ZFP62: variants seen among roughly 807,000 people sequenced by gnomAD.
ZFP62 encodes zinc finger protein 62 homolog.
ZFP62 carries 44 observed loss-of-function variants against 56.4 expected under a neutral mutation model. The observed-to-expected ratio is 0.78, with a 90% confidence interval of 0.61 to 1.00. The LOEUF (loss-of-function observed/expected upper bound fraction) is 1.00. Ranked by LOEUF, ZFP62 falls within the 50% of genes least tolerant of loss-of-function variation. The pLI is 0.00. For synonymous variants in ZFP62, 421 were observed against 388.9 expected, an observed-to-expected ratio of 1.08 and a Z score of -0.97; for missense variants, 1,030 against 1,085.7, an observed-to-expected ratio of 0.95 and a Z score of 0.72.
At chr5:180,851,635 G>A in intron 1 of ZFP62, 142 bp from the exon 2 acceptor site, 1 of 1,006,274 alleles carries the variant, frequency 9.9e-7, no homozygotes, top group East Asian at 2.6e-5. Context: ...CCATGTACCG[G>A]TTTTTAAGTA....
intron 1 of ZFP62, among the ~76,000 whole-genome samples, chr5:180,853,186 A>G (rs148570314): frequency 6.6e-6 from 1 of 152,262 alleles, no homozygotes. Context: ...TAAATCTCCA[A>G]GCACAGAAGA....
chr5:180,856,515 AG>A (rs1346232092), intron 1 of ZFP62, among the ~76,000 whole-genome samples: 6 of 152,210 alleles, frequency 3.9e-5, no homozygotes, highest in Non-Finnish European at 8.8e-5. Context: ...GTGTTGCCCA[AG>A]GAACTTAAGA....
At chr5:180,845,429 T>C (rs566289730), downstream of ZFP62, among the ~76,000 whole-genome samples, 4 of 150,314 alleles carry the variant, frequency 2.7e-5, no homozygotes, top group African/African-American at 7.3e-5. Flanking sequence ...AAAGTCCTTA[T>C]TTGAACTCAG....
chr5:180,828,715 G>A, the ZFP62 span, among the ~76,000 whole-genome samples: 1 of 152,124 alleles, frequency 6.6e-6, no homozygotes, highest in African/African-American at 2.4e-5. Context: ...AAAAAGAACA[G>A]AATAACAGCA....
downstream of ZFP62, among the ~76,000 whole-genome samples, chr5:180,845,013 C>G (rs1015900515): frequency 6.6e-5 from 10 of 152,158 alleles, no homozygotes; most frequent in African/African-American, 2.4e-4. Flanking sequence ...GAGGTTGCTA[C>G]TATTATCTTT....
chr5:180,851,926 A>G, intron 1 of ZFP62: 1 of 771,384 alleles, frequency 1.3e-6, no homozygotes, highest in Non-Finnish European at 1.6e-6. Flanking sequence ...ACTTTTTTTT[A>G]TTATGAAAAG....
the ZFP62 span, among the ~76,000 whole-genome samples, chr5:180,833,791 C>T: frequency 3.3e-5 from 5 of 151,918 alleles, no homozygotes; most frequent in African/African-American, 4.8e-5. Context: ...CTGCCTCAGC[C>T]TCCTGAGTAG....
At chr5:180,839,777 A>T in the ZFP62 span, among the ~76,000 whole-genome samples, 1 of 152,156 alleles carries the variant, frequency 6.6e-6, no homozygotes, top group African/African-American at 2.4e-5. Context: ...AATAAATAAA[A>T]AATAAAATGG....
In ZFP62 at chr5:180,850,627, A is replaced by G. The variant is rs747475111; in HGVS notation, c.868T>C (p.Phe290Leu). The G allele has an allele frequency of 4.4e-6, 7 of 1,573,944 alleles. No homozygotes were observed. Among genetic ancestry groups the G allele is most frequent in the Non-Finnish European group, 3.4e-6 (4 of 1,159,594 alleles). ...ACCCTAAGGCCAGAGCTGTTACTGAAGGTTTTCCCACAGATGTCGCATTCA... is the reference window on the plus strand; with the variant it reads ...ACCCTAAGGCCAGAGCTGTTACTGAGGGTTTTCCCACAGATGTCGCATTCA... Reference protein sequence around the residue: ...PYECDICGKTFSNSSGLRVHK... With the variant: ...PYECDICGKTLSNSSGLRVHK... The change falls in exon 2 of 2, where the codon TTC becomes CTC. Residue 290 changes from phenylalanine (F) to leucine (L), a missense_variant. By Grantham distance (22) the Phe-to-Leu change is conservative. Transcript: ENST00000502412.
chr5:180,859,446 C>A (rs1774188791), intron 1 of ZFP62, among the ~76,000 whole-genome samples: 1 of 152,190 alleles, frequency 6.6e-6, no homozygotes, highest in Non-Finnish European at 1.5e-5. Flanking sequence ...GTTCTAGCTA[C>A]TGTTGCATTT....
the ZFP62 span, among the ~76,000 whole-genome samples, chr5:180,828,235 G>A: frequency 8.5e-5 from 13 of 152,260 alleles, no homozygotes; most frequent in East Asian, 1.9e-4. Flanking sequence ...CCCCTTCAAC[G>A]TGCCCTGCCA....
chr5:180,849,389 T>C lies in ZFP62; in HGVS notation c.2106A>G (p.Thr702=). 3 of 1,550,844 alleles carry C rather than the reference T, an allele frequency of 1.9e-6. No individual in the cohort carries two copies. The highest frequency in any genetic ancestry group is 1.2e-5 in the South Asian group (1 of 83,986). Reference sequence around the variant, plus strand: ...AAAAAGCTTTTCCACATTCATCACATGTATGGGGTGTCCTGCCAGGGTGGG... The same window carrying C: ...AAAAAGCTTTTCCACATTCATCACACGTATGGGGTGTCCTGCCAGGGTGGG... The part of the protein sequence containing the change: ...KSTHPGRTPH[T]CDECGKAFFS... Residue 702 remains threonine (T), a synonymous_variant, in exon 2 of 2, where the codon ACA becomes ACG. Transcript: ENST00000502412.
chr5:180,854,868 A>G (rs1448007396), intron 1 of ZFP62, among the ~76,000 whole-genome samples: 3 of 152,242 alleles, frequency 2.0e-5, no homozygotes, highest in Non-Finnish European at 4.4e-5. Context: ...AAGAAGGCTA[A>G]AGAGACTTGA....
chr5:180,836,384 C>A, the ZFP62 span, among the ~76,000 whole-genome samples: 1 of 152,210 alleles, frequency 6.6e-6, no homozygotes, highest in Admixed American at 6.5e-5. Context: ...TGGCTCCCAG[C>A]AATCCCTGAC....
At chr5:180,844,164 T>G (rs1310952110), downstream of ZFP62, among the ~76,000 whole-genome samples, 2 of 152,216 alleles carry the variant, frequency 1.3e-5, no homozygotes, top group Admixed American at 1.3e-4. Flanking sequence ...CATTCTTATC[T>G]CCTTCAACTT....
intron 1 of ZFP62, among the ~76,000 whole-genome samples, chr5:180,856,672 C>T (rs1773991733): frequency 6.6e-6 from 1 of 151,960 alleles, no homozygotes; most frequent in African/African-American, 2.4e-5. Flanking sequence ...ATGACAGAGG[C>T]GGCCGGGCAT....
In ZFP62 at chr5:180,849,044, A is replaced by C; in HGVS notation, c.2451T>G (p.Cys817Trp). Residue 817 changes from cysteine to tryptophan, a missense_variant, in exon 2 of 2, where the codon TGT becomes TGG. By Grantham distance (215) the Cys-to-Trp change is radical (BLOSUM62 -2). Transcript: ENST00000502412. The stretch of plus-strand genomic sequence containing the variant: ...CTGATCTATAATTGAAGGATTTCCC[A>C]CACTCACAATTATAGGGCTGCTTCC... ...HQGKQPYNCE[C>W]GKSFNYRSVL... 6.4e-7 allele frequency: 1 copy of C among 1,552,262 alleles called. No individual in the cohort carries two copies. The highest frequency in any genetic ancestry group is 8.7e-7 in the Non-Finnish European group (1 of 1,147,128).
chr5:180,849,261 G>A lies in ZFP62; in HGVS notation c.2234C>T (p.Ser745Phe). 2 of 1,554,784 alleles carry A rather than the reference G, an allele frequency of 1.3e-6. No homozygotes were observed. The highest frequency in any genetic ancestry group is 1.7e-6 in the Non-Finnish European group (2 of 1,148,866). ...CCCTGTGTGGATCCTCTTGTGCTGA[G>A]AAAGGAGAGAGCTGTAACTGAAAGA... ...GKSFSYSSLL[S>F]QHKRIHTGEK... is the part of the protein sequence containing the mutation. Residue 745 changes from serine to phenylalanine, a missense_variant, in exon 2 of 2, where the codon TCT becomes TTT. Ser to Phe is a radical substitution (Grantham distance 155). Transcript: ENST00000502412.
rs1303472237 is a variant in ZFP62 at position 180,849,769 on chromosome 5, G to A, written c.1726C>T (p.Leu576Phe). The change falls in exon 2 of 2, where the codon CTT becomes TTT. Residue 576 changes from leucine to phenylalanine, a missense_variant. Coordinates refer to ENST00000502412, the MANE Select transcript of ZFP62 (RefSeq NM_001172638.2). ...GGGTGTACACTTTTATGATTTATAA[G>A]GCTCGAGAGAGAGATGTATGCTTTC... ...CGKAYISLSS[L>F]INHKSVHPGE... The A allele has an allele frequency of 6.4e-7, 1 of 1,551,818 alleles. No homozygotes were observed. Among genetic ancestry groups the A allele is most frequent in the South Asian group, 1.2e-5 (1 of 84,056 alleles).
Sources: allele counts gnomAD v4.1 joint callset (sites outside exome capture counted in the v4.1 genomes callset), GRCh38; gene constraint gnomAD v4.1.1; transcripts MANE v1.5; gene names NCBI Gene and HGNC (gene_info 2026-07-23, HGNC 2026-07-21).